Variants in MACROD2 observed in about 807,000 individuals in gnomAD.
MACROD2 encodes ADP-ribose glycohydrolase MACROD2.
A neutral mutation model predicts 70.4 loss-of-function variants in MACROD2; 36 were observed. The observed-to-expected ratio is 0.51, with a 90% CI of 0.39 to 0.68. The LOEUF (loss-of-function observed/expected upper bound fraction) is 0.68. MACROD2 is among the 30% of genes least tolerant of loss of function. MACROD2 has a pLI of 0.00. For synonymous variants in MACROD2, 172 were observed against 178.8 expected, an observed-to-expected ratio of 0.96 and a Z score of 0.30; for missense variants, 496 against 538.4, an observed-to-expected ratio of 0.92 and a Z score of 0.78.
At chr20:14,049,297 G>A (rs1380762486) in intron 2 of MACROD2, among the ~76,000 whole-genome samples, 3 of 151,878 alleles carry the variant, frequency 2.0e-5, no homozygotes, top group Admixed American at 1.3e-4. Flanking sequence ...GACTGAGAGG[G>A]GCAGAAGAAC....
chr20:14,939,104 A>G (rs968277993), intron 5 of MACROD2, among the ~76,000 whole-genome samples: 9 of 151,812 alleles, frequency 5.9e-5, no homozygotes, highest in Admixed American at 2.0e-4. Context: ...CTTTAGCTTG[A>G]CGTAATCTCA....
At chr20:16,028,612 T>C (rs1225886) in intron 15 of MACROD2, among the ~76,000 whole-genome samples, 86,670 of 151,904 alleles carry the variant, frequency 0.57, 24,941 homozygotes, top group South Asian at 0.73. Flanking sequence ...TTGATTAGGG[T>C]AGAGTATTCC....
intron 5 of MACROD2, among the ~76,000 whole-genome samples, chr20:15,106,248 AT>A (rs1023067809): frequency 3.3e-5 from 5 of 152,068 alleles, no homozygotes; most frequent in Non-Finnish European, 7.4e-5. Context: ...GCTTTAATTT[AT>A]TTATATGTGG....
chr20:14,962,984 T>C (rs1028529679), intron 5 of MACROD2, among the ~76,000 whole-genome samples: 1 of 152,202 alleles, frequency 6.6e-6, no homozygotes, highest in African/African-American at 2.4e-5. Flanking sequence ...ATGATTAGCA[T>C]GCCAGTCCAA....
At chr20:14,612,255 A>G (rs1353820297) in intron 4 of MACROD2, among the ~76,000 whole-genome samples, 1 of 152,174 alleles carries the variant, frequency 6.6e-6, no homozygotes, top group Admixed American at 6.6e-5. Flanking sequence ...CCAATAATAT[A>G]TATAGGTATA....
chr20:15,866,212 C>G (rs1370806518), intron 9 of MACROD2, among the ~76,000 whole-genome samples: 1 of 151,980 alleles, frequency 6.6e-6, no homozygotes, highest in African/African-American at 2.4e-5. Flanking sequence ...ATAGCAAGAA[C>G]TTGGCTCTAC....
At chr20:14,469,084 T>C (rs2084495644) in intron 3 of MACROD2, among the ~76,000 whole-genome samples, 1 of 151,790 alleles carries the variant, frequency 6.6e-6, no homozygotes, top group Non-Finnish European at 1.5e-5. Context: ...TCTTTCCATA[T>C]TTAGTGCTTC....
chr20:15,222,424 A>G (rs1438214999), intron 5 of MACROD2, among the ~76,000 whole-genome samples: 1 of 152,198 alleles, frequency 6.6e-6, no homozygotes, highest in Non-Finnish European at 1.5e-5. Flanking sequence ...TTTTCTGTTA[A>G]CTGAACTTCA....
chr20:15,216,155 CAAT>C (rs1174412553), intron 5 of MACROD2, among the ~76,000 whole-genome samples: 2 of 151,726 alleles, frequency 1.3e-5, no homozygotes, highest in Admixed American at 6.6e-5. Context: ...GAACTATAGT[CAAT>C]AATAATTTAA....
intron 3 of MACROD2, among the ~76,000 whole-genome samples, chr20:14,184,639 A>G (rs113577761): frequency 2.0e-4 from 30 of 152,032 alleles, no homozygotes; most frequent in African/African-American, 7.2e-4. Context: ...CATTTTCACG[A>G]TATTGATTCT....
chr20:14,475,874 A>C (rs1344044907), intron 3 of MACROD2, among the ~76,000 whole-genome samples: 1 of 151,910 alleles, frequency 6.6e-6, no homozygotes, highest in Non-Finnish European at 1.5e-5. Context: ...AAGACCTTTC[A>C]GAGTCTTGGG....
chr20:14,792,029 A>C (rs7269960), intron 5 of MACROD2, among the ~76,000 whole-genome samples: 7,246 of 152,138 alleles, frequency 0.048, 201 homozygotes, highest in African/African-American at 0.058. Flanking sequence ...TCTTACAGTT[A>C]CATAATGTTT....
At chr20:14,576,908 G>A (rs1017439251) in intron 4 of MACROD2, among the ~76,000 whole-genome samples, 8 of 152,276 alleles carry the variant, frequency 5.3e-5, no homozygotes, top group African/African-American at 1.9e-4. Flanking sequence ...CTTTAGTAAA[G>A]TTTGTTACTC....
chr20:15,127,621 A>G (rs2076076381), intron 5 of MACROD2, among the ~76,000 whole-genome samples: 1 of 152,068 alleles, frequency 6.6e-6, no homozygotes, highest in African/African-American at 2.4e-5. Flanking sequence ...TCTTCTCCTT[A>G]TGGTCCTCTA....
At position 14,661,107 on chromosome 20, in the gene MACROD2, G is replaced by A. The variant is rs566685253; in HGVS notation, c.302-23736G>A. 2.6e-4 allele frequency among the ~76,000 whole-genome samples: 40 copies of A among 152,192 alleles called. No individual in the cohort carries two copies. In the South Asian group the frequency reaches 8.1e-3, roughly 31 times the overall value. On this transcript the variant is annotated intron_variant, in intron 4 of 17. Coordinates refer to ENST00000684519, the MANE Select transcript of MACROD2 (RefSeq NM_001351661.2). ...GAGTCAACTGGTAATTCTGTTTCTA[G>A]TTCTTTGAGAGATCTCCAAATGGCT...
chr20:15,961,561 G>A (rs571667583), intron 12 of MACROD2, among the ~76,000 whole-genome samples: 16 of 152,270 alleles, frequency 1.1e-4, no homozygotes, highest in African/African-American at 2.4e-4. Context: ...CAACTTCTCC[G>A]TAAAATAAAA....
intron 5 of MACROD2, among the ~76,000 whole-genome samples, chr20:15,065,210 T>C (rs1354540389): frequency 6.6e-6 from 1 of 152,080 alleles, no homozygotes. Flanking sequence ...CATTTGTTCT[T>C]CTGGCAGCCA....
chr20:14,036,894 T>C (rs2053318941), intron 2 of MACROD2, among the ~76,000 whole-genome samples: 1 of 152,240 alleles, frequency 6.6e-6, no homozygotes, highest in Non-Finnish European at 1.5e-5. Context: ...TTATTCAGCA[T>C]TGATTACTTG....
intron 5 of MACROD2, among the ~76,000 whole-genome samples, chr20:14,921,106 T>C (rs910605644): frequency 2.0e-5 from 3 of 152,164 alleles, no homozygotes; most frequent in Admixed American, 2.0e-4. Flanking sequence ...AAAACACTGG[T>C]GAATCAACTC....
Sources: allele counts gnomAD v4.1 joint callset (sites outside exome capture counted in the v4.1 genomes callset), GRCh38; gene constraint gnomAD v4.1.1; transcripts MANE v1.5; gene names NCBI Gene and HGNC (gene_info 2026-07-23, HGNC 2026-07-21).